Variants in BMPR1B observed in about 807,000 individuals in gnomAD.
BMPR1B encodes the protein bone morphogenetic protein receptor type 1B, also known as bone morphogenetic protein receptor type-1B.
A neutral mutation model predicts 59.1 loss-of-function variants in BMPR1B; 12 were observed. That is an observed-to-expected ratio of 0.20 (90% CI 0.13 to 0.33). The LOEUF is 0.33. Among genes scored for constraint, BMPR1B ranks in the 10% least tolerant of loss-of-function variants. BMPR1B has a pLI of 1.00. For missense variants in BMPR1B, 550 were observed against 610.9 expected, an observed-to-expected ratio of 0.90 and a Z score of 1.05; for synonymous variants, 237 against 207.3, an observed-to-expected ratio of 1.14 and a Z score of -1.23.
chr4:94,938,676 A>G (rs922407317), intron 2 of BMPR1B, among the ~76,000 whole-genome samples: 1 of 152,204 alleles, frequency 6.6e-6, no homozygotes, highest in African/African-American at 2.4e-5. Context: ...ATAATAGCTT[A>G]CATCTACTGT....
chr4:95,105,613 A>G (rs114261271), intron 4 of BMPR1B, among the ~76,000 whole-genome samples: 2,254 of 152,144 alleles, frequency 0.015, 31 homozygotes, highest in Non-Finnish European at 0.022. Flanking sequence ...TAACACAGGG[A>G]GGGAAACCTG....
intron 12 of BMPR1B, among the ~76,000 whole-genome samples, chr4:95,153,942 C>T (rs1735235993): frequency 6.6e-6 from 1 of 152,212 alleles, no homozygotes; most frequent in Non-Finnish European, 1.5e-5. Context: ...TTCCAGCAAG[C>T]TGTGCAGAAA....
chr4:94,875,600 T>C (rs10004088), intron 1 of BMPR1B, among the ~76,000 whole-genome samples: 56,932 of 151,806 alleles, frequency 0.38, 11,641 homozygotes, highest in African/African-American at 0.53. Flanking sequence ...AGGAGAATGG[T>C]GTGAACCCGG....
intron 3 of BMPR1B, among the ~76,000 whole-genome samples, chr4:95,000,323 CTG>C (rs377066337): frequency 6.6e-6 from 1 of 152,160 alleles, no homozygotes; most frequent in African/African-American, 2.4e-5. Flanking sequence ...TTGGAATGGA[CTG>C]TAATTCAATT....
At chr4:95,018,442 C>G (rs1723739489) in intron 3 of BMPR1B, among the ~76,000 whole-genome samples, 1 of 152,046 alleles carries the variant, frequency 6.6e-6, no homozygotes, top group African/African-American at 2.4e-5. Context: ...TTGCTCTAGC[C>G]CATAAAGTGC....
At chr4:94,850,720 A>T (rs1438321838) in intron 1 of BMPR1B, among the ~76,000 whole-genome samples, 1 of 152,140 alleles carries the variant, frequency 6.6e-6, no homozygotes, top group African/African-American at 2.4e-5. Context: ...CTCTTGTCCA[A>T]GGCTGGATCC....
intron 10 of BMPR1B, among the ~76,000 whole-genome samples, chr4:95,140,377 T>C (rs912658817): frequency 5.9e-5 from 9 of 152,320 alleles, no homozygotes; most frequent in African/African-American, 2.2e-4. Context: ...CTTTCTAATC[T>C]TACATTCTAC....
intron 3 of BMPR1B, among the ~76,000 whole-genome samples, chr4:95,031,422 A>G (rs562838008): frequency 6.6e-6 from 1 of 152,254 alleles, no homozygotes; most frequent in African/African-American, 2.4e-5. Flanking sequence ...AACTTGGATC[A>G]CATACAGAGA....
chr4:95,140,468 C>T (rs565445576), intron 10 of BMPR1B, among the ~76,000 whole-genome samples: 1 of 152,192 alleles, frequency 6.6e-6, no homozygotes, highest in East Asian at 1.9e-4. Flanking sequence ...CTTGCTGTTG[C>T]CTTGCTTTTG....
In BMPR1B at chr4:94,774,560, T is replaced by C. The variant is rs186013658; in HGVS notation, c.-183+16492T>C. ...CCTTTATACCCAACATGTATAAGTT[T>C]ATTTATGAATTTTTTCTTCTTGTGC... On this transcript the variant is annotated intron_variant, in intron 1 of 12. Transcript: ENST00000515059. 1.3e-4 allele frequency among the ~76,000 whole-genome samples: 20 copies of C among 152,242 alleles called. No individual in the cohort carries two copies. In the East Asian group the frequency reaches 3.7e-3, roughly 28 times the overall value.
rs1288945569 is a variant in BMPR1B at position 95,134,476 on chromosome 4, C to T, written c.1076+2964C>T. ...CCACAATGGTTGAACTAGTTTACAGCCCCACAAACAGTGTAAAAGTGTTCC... is the reference window on the plus strand; with the variant it reads ...CCACAATGGTTGAACTAGTTTACAGTCCCACAAACAGTGTAAAAGTGTTCC... On this transcript the variant is annotated intron_variant, in intron 10 of 12. Coordinates refer to ENST00000515059, the MANE Select transcript of BMPR1B (RefSeq NM_001203.3). Among the ~76,000 whole-genome samples, 8 of 152,260 alleles carry T rather than the reference C, an allele frequency of 5.3e-5. No individual in the cohort carries two copies. The East Asian group carries it at 7.7e-4, about 15-fold the overall frequency.
intron 1 of BMPR1B, among the ~76,000 whole-genome samples, chr4:94,777,886 C>T (rs991501235): frequency 3.3e-5 from 5 of 151,926 alleles, no homozygotes; most frequent in East Asian, 1.9e-4. Flanking sequence ...ATTAGCTGGG[C>T]GTGGTGGCAG....
chr4:94,777,102 C>CT (rs1560479547), intron 1 of BMPR1B, among the ~76,000 whole-genome samples: 1 of 152,034 alleles, frequency 6.6e-6, no homozygotes, highest in Non-Finnish European at 1.5e-5. Context: ...CAGTGAACAT[C>CT]TTTATGAATA....
intron 6 of BMPR1B, among the ~76,000 whole-genome samples, chr4:95,118,547 TA>T (rs1004049107): frequency 1.3e-5 from 2 of 152,342 alleles, no homozygotes; most frequent in Non-Finnish European, 2.9e-5. Context: ...TGGTGATTCT[TA>T]ACTTGCCTCT....
chr4:94,868,667 A>C (rs972235008), intron 1 of BMPR1B, among the ~76,000 whole-genome samples: 1 of 152,220 alleles, frequency 6.6e-6, no homozygotes, highest in African/African-American at 2.4e-5. Flanking sequence ...GGCAAAGGGA[A>C]GGCAAATGCC....
chr4:95,117,283 A>G (rs971633087), intron 6 of BMPR1B, among the ~76,000 whole-genome samples: 3 of 152,244 alleles, frequency 2.0e-5, no homozygotes, highest in Non-Finnish European at 2.9e-5. Context: ...TGTGAAGTAC[A>G]TAGAATTGTT....
chr4:94,965,596 A>C (rs976301182), intron 2 of BMPR1B, among the ~76,000 whole-genome samples: 1 of 152,218 alleles, frequency 6.6e-6, no homozygotes, highest in Non-Finnish European at 1.5e-5. Flanking sequence ...ATTTTCTCCC[A>C]GTTTAACACA....
chr4:95,091,754 A>G (rs1730007234), intron 3 of BMPR1B: 1 of 829,578 alleles, frequency 1.2e-6, no homozygotes, highest in South Asian at 5.5e-5. Flanking sequence ...CTTTTTTGGC[A>G]TAGATGGTGA....
chr4:94,903,979 T>G (rs539877678), intron 2 of BMPR1B, among the ~76,000 whole-genome samples: 4 of 152,182 alleles, frequency 2.6e-5, no homozygotes, highest in African/African-American at 9.6e-5. Flanking sequence ...ACTAATACAC[T>G]TAGTGAAGTG....
Sources: allele counts gnomAD v4.1 joint callset (sites outside exome capture counted in the v4.1 genomes callset), GRCh38; gene constraint gnomAD v4.1.1; transcripts MANE v1.5; gene names NCBI Gene and HGNC (gene_info 2026-07-23, HGNC 2026-07-21).